Variants in GPR63 observed in about 807,000 individuals in gnomAD.
The protein encoded by GPR63 is probable G protein-coupled receptor 63.
Under a neutral mutation model 23.1 loss-of-function variants are expected in GPR63, and 12 were observed. The observed-to-expected ratio is 0.52, with a 90% CI of 0.33 to 0.84. GPR63 has a LOEUF of 0.84. Among genes scored for constraint, GPR63 ranks in the 40% least tolerant of loss-of-function variants. GPR63 has a pLI of 0.02. For missense variants in GPR63, 472 were observed against 515.6 expected (o/e 0.92, Z 0.82); for synonymous variants, 172 against 191.1 (o/e 0.90, Z 0.82).
chr6:96,823,032 A>C (rs1227759731), intron 1 of GPR63, among the ~76,000 whole-genome samples: 1 of 152,194 alleles, frequency 6.6e-6, no homozygotes, highest in African/African-American at 2.4e-5. Flanking sequence ...CACAATATTC[A>C]TGTGTTTGCA....
chr6:96,805,949 T>G (rs9487201), intron 1 of GPR63, among the ~76,000 whole-genome samples: 12,214 of 152,198 alleles, frequency 0.08, 841 homozygotes, highest in African/African-American at 0.19. Context: ...ATCAACATAT[T>G]TCCTGGCATC....
At chr6:96,810,001 T>C (rs1488448773) in intron 1 of GPR63, among the ~76,000 whole-genome samples, 1 of 152,212 alleles carries the variant, frequency 6.6e-6, no homozygotes, top group Non-Finnish European at 1.5e-5. Flanking sequence ...ATCTCTATTA[T>C]AGCCTATTGG....
chr6:96,815,428 G>C (rs1292555438), intron 1 of GPR63, among the ~76,000 whole-genome samples: 2 of 150,876 alleles, frequency 1.3e-5, no homozygotes, highest in Non-Finnish European at 3.0e-5. Flanking sequence ...GGGAGAGGGA[G>C]AAATGGGGAA....
At chr6:96,811,852 A>G (rs1004481234) in intron 1 of GPR63, among the ~76,000 whole-genome samples, 65 of 97,190 alleles carry the variant, frequency 6.7e-4, no homozygotes, top group Non-Finnish European at 1.9e-4. Context: ...AAATAAATAA[A>G]TAAATAAATA....
Position 96,798,524 on chromosome 6 carries a change from C to G in GPR63, c.1208G>C (p.Arg403Pro). 6.2e-7 allele frequency: 1 copy of G among 1,614,148 alleles called. No homozygotes were observed. Among genetic ancestry groups the G allele is most frequent in the Non-Finnish European group, 8.5e-7 (1 of 1,180,020 alleles). ...CACATAGACAGCACTAGGACGTATC[C>G]GTCGCTTTGTGTGACCAGGGAGCTG... ...LPQLPGHTKRRIRPSAVYVCG... is the reference protein window; with the variant it reads ...LPQLPGHTKRPIRPSAVYVCG... Residue 403 changes from arginine (R) to proline (P), a missense_variant, in exon 2 of 2, where the codon CGG (arginine) becomes CCG (proline). Arg to Pro is a moderately radical substitution (Grantham distance 103, BLOSUM62 -2). Coordinates refer to ENST00000229955, the MANE Select transcript of GPR63 (RefSeq NM_030784.4).
chr6:96,828,109 C>T (rs376100050), intron 1 of GPR63, among the ~76,000 whole-genome samples: 1 of 152,214 alleles, frequency 6.6e-6, no homozygotes, highest in East Asian at 1.9e-4. Flanking sequence ...AAATAAAATG[C>T]CACAGACTGG....
At chr6:96,817,666 T>C (rs142590106) in intron 1 of GPR63, among the ~76,000 whole-genome samples, 86 of 152,008 alleles carry the variant, frequency 5.7e-4, no homozygotes, top group African/African-American at 2.0e-3. Context: ...GCCACGAAAA[T>C]GGGCAAAACT....
At chr6:96,807,871 A>T (rs1773937572) in intron 1 of GPR63, among the ~76,000 whole-genome samples, 1 of 152,164 alleles carries the variant, frequency 6.6e-6, no homozygotes, top group Non-Finnish European at 1.5e-5. Flanking sequence ...CTATGACATT[A>T]CTACTGCTAT....
intron 1 of GPR63, among the ~76,000 whole-genome samples, chr6:96,818,575 TAA>T (rs1774221437): frequency 6.6e-6 from 1 of 152,216 alleles, no homozygotes; most frequent in Admixed American, 6.5e-5. Flanking sequence ...GTACAGCAAC[TAA>T]AACTGTTTTT....
intron 1 of GPR63, among the ~76,000 whole-genome samples, chr6:96,814,298 G>A (rs1355328821): frequency 6.6e-6 from 1 of 152,050 alleles, no homozygotes; most frequent in Non-Finnish European, 1.5e-5. Context: ...AGGTAAAATT[G>A]CCTCTCGTCT....
intron 1 of GPR63, among the ~76,000 whole-genome samples, chr6:96,826,072 T>C (rs959454235): frequency 1.3e-5 from 2 of 152,100 alleles, no homozygotes; most frequent in South Asian, 4.1e-4. Context: ...CAAATAAGCA[T>C]AAAATAACTA....
intron 1 of GPR63, among the ~76,000 whole-genome samples, chr6:96,817,898 T>A (rs753351818): frequency 5.9e-5 from 9 of 151,350 alleles, no homozygotes; most frequent in Non-Finnish European, 1.2e-4. Context: ...CAAATTTCAC[T>A]GAACTGTGCC....
intron 1 of GPR63, among the ~76,000 whole-genome samples, chr6:96,822,441 T>C (rs979523717): frequency 1.3e-5 from 2 of 152,188 alleles, no homozygotes; most frequent in African/African-American, 4.8e-5. Context: ...ACTTCAGTTT[T>C]AGTATTCAAA....
At chr6:96,824,556 T>C (rs1295455094) in intron 1 of GPR63, among the ~76,000 whole-genome samples, 1 of 114,266 alleles carries the variant, frequency 8.8e-6, no homozygotes, top group African/African-American at 3.5e-5. Context: ...CCTACCAACA[T>C]AAACCCTGCT....
Position 96,836,147 on chromosome 6 carries a change from G to A in GPR63, c.-151+1121C>T, listed in dbSNP as rs544126517. Among the ~76,000 whole-genome samples the A allele has an allele frequency of 7.9e-5, 12 of 152,136 alleles. No homozygotes were observed. In the East Asian group the frequency reaches 2.3e-3, roughly 29 times the overall value. Reference sequence around the variant, plus strand: ...AATAGAGGTGTGGCAGAGACCTAGGGGTGTGAGAAAATGGGGCTTCCTTTA... The same window carrying A: ...AATAGAGGTGTGGCAGAGACCTAGGAGTGTGAGAAAATGGGGCTTCCTTTA... On this transcript the variant is annotated intron_variant, in intron 1 of 1. Coordinates refer to ENST00000229955, the MANE Select transcript of GPR63 (RefSeq NM_030784.4).
intron 1 of GPR63, among the ~76,000 whole-genome samples, chr6:96,835,480 T>C (rs1044597961): frequency 9.2e-5 from 14 of 152,104 alleles, no homozygotes; most frequent in Non-Finnish European, 2.1e-4. Context: ...CCAAATTAAA[T>C]AAACCATAAA....
At chr6:96,833,335 A>G (rs572257311) in intron 1 of GPR63, among the ~76,000 whole-genome samples, 2 of 152,348 alleles carry the variant, frequency 1.3e-5, no homozygotes, top group East Asian at 3.9e-4. Context: ...AATACATGGG[A>G]TAGATTTAAT....
chr6:96,804,407 A>G (rs1173771468), intron 1 of GPR63, among the ~76,000 whole-genome samples: 4 of 152,168 alleles, frequency 2.6e-5, no homozygotes, highest in African/African-American at 9.6e-5. Context: ...GAAGGCAGCC[A>G]TTGATTTTAT....
At position 96,794,711 on chromosome 6, in the gene GPR63, A is replaced by C. The variant is rs1773539130; in HGVS notation, c.*3761T>G. 1 of 152,234 alleles carries C rather than the reference A, an allele frequency of 6.6e-6. No individual in the cohort carries two copies. Among genetic ancestry groups the C allele is most frequent in the Admixed American group, 6.5e-5 (1 of 15,290 alleles). 9.4% of individuals were successfully genotyped at this position (152,234 alleles called of 1,614,324 possible). A position where few individuals can be genotyped will look rare whatever the true frequency, so the allele number is the denominator to read the frequency against. On this transcript the variant is annotated 3_prime_UTR_variant, in exon 2 of 2. Coordinates refer to ENST00000229955, the MANE Select transcript of GPR63 (RefSeq NM_030784.4). ...ATCTTTACATTCTTCCGGGAATTAC[A>C]CACAATAAAGACAGCTCTCTATAAG...
Sources: gnomAD v4.1 joint callset for allele counts (sites outside exome capture counted in the v4.1 genomes callset) on GRCh38, gnomAD v4.1.1 for gene constraint, MANE v1.5 for transcripts, NCBI Gene and HGNC (gene_info 2026-07-23, HGNC 2026-07-21) for gene names.